The following VSTM4 variants were observed in gnomAD, a reference collection of about 807,000 sequenced individuals.
The protein encoded by VSTM4 is V-set and transmembrane domain containing 4, also known as V-set and transmembrane domain-containing protein 4.
In VSTM4, 20 loss-of-function variants were observed where a neutral mutation model predicts 36.4. The observed-to-expected ratio is 0.55, with a 90% confidence interval of 0.39 to 0.80. The LOEUF is 0.80. Ranked by LOEUF, VSTM4 falls within the 30% of genes least tolerant of loss-of-function variation. VSTM4 has a pLI of 0.00. For synonymous variants in VSTM4, 182 were observed against 173.9 expected (o/e 1.05, Z -0.37); for missense variants, 392 against 404.5 (o/e 0.97, Z 0.26).
chr10:49,069,329 G>A (rs1844031794), intron 4 of VSTM4, among the ~76,000 whole-genome samples: 2 of 152,234 alleles, frequency 1.3e-5, no homozygotes, highest in South Asian at 2.1e-4. Context: ...ACCCATGGAT[G>A]TTTCTGCTGT....
rs1843143529 is a variant in VSTM4, at chr10:49,019,186, T to C, written c.*464A>G. 6.6e-6 allele frequency: 1 copy of C among 152,334 alleles called. No individual in the cohort carries two copies. Among genetic ancestry groups the C allele is most frequent in the Non-Finnish European group, 1.5e-5 (1 of 68,106 alleles). 9.4% of individuals were successfully genotyped at this position (152,334 alleles called of 1,614,324 possible). A position where few individuals can be genotyped will look rare whatever the true frequency, so the allele number is the denominator to read the frequency against. On this transcript the variant is annotated 3_prime_UTR_variant, in exon 8 of 8. Transcript: ENST00000332853. Reference sequence around the variant, plus strand: ...TGGCTGTGGCCCTGGCAATGCCATCTGATCCTTGGAAAACCAACATATGTG... The same window carrying C: ...TGGCTGTGGCCCTGGCAATGCCATCCGATCCTTGGAAAACCAACATATGTG...
intron 6 of VSTM4, 70 bp downstream of exon 6, chr10:49,048,408 A>G (rs567334358): frequency 2.2e-4 from 302 of 1,397,264 alleles, no homozygotes; most frequent in Middle Eastern, 6.6e-4. Context: ...ATAATCCAAC[A>G]TGGAACCCCA....
At chr10:49,023,166 G>A (rs1406412130) in intron 7 of VSTM4, among the ~76,000 whole-genome samples, 1 of 152,208 alleles carries the variant, frequency 6.6e-6, no homozygotes, top group Non-Finnish European at 1.5e-5. Context: ...TAATTTGATT[G>A]AAGATACGAG....
At chr10:49,103,912 G>A in intron 2 of VSTM4, 1 of 1,531,694 alleles carries the variant, frequency 6.5e-7, no homozygotes. Context: ...GAGACCACGG[G>A]CCTGGGGTGG....
chr10:49,099,407 C>A (rs191181722), intron 2 of VSTM4, among the ~76,000 whole-genome samples: 4 of 152,194 alleles, frequency 2.6e-5, no homozygotes, highest in African/African-American at 9.6e-5. Flanking sequence ...GCTCTGGAAT[C>A]ATTTTTATCA....
rs1843476759 is a variant in VSTM4 at position 49,039,015 on chromosome 10, G to C, written c.837+7968C>G. Among the ~76,000 whole-genome samples the C allele has an allele frequency of 2.0e-5, 3 of 152,140 alleles. No homozygotes were observed. In the South Asian group the frequency reaches 6.2e-4, roughly 32 times the overall value. Reference sequence around the variant, plus strand: ...GTACAAAGGTGGGCGGACCATGAGGGGGCATCCAGGACAGAGGAACCGAAA... The same window carrying C: ...GTACAAAGGTGGGCGGACCATGAGGCGGCATCCAGGACAGAGGAACCGAAA... On this transcript the variant is annotated intron_variant, in intron 7 of 7. Transcript: ENST00000332853.
chr10:49,108,031 G>T (rs1844822730), intron 1 of VSTM4, 36 bp from the exon 2 acceptor site: 2 of 1,519,544 alleles, frequency 1.3e-6, no homozygotes, highest in Non-Finnish European at 8.9e-7. Context: ...GGATGAGGAG[G>T]GCCCCAAGTC....
chr10:49,072,989 C>A (rs17011744), intron 4 of VSTM4, among the ~76,000 whole-genome samples: 57,163 of 152,108 alleles, frequency 0.38, 12,039 homozygotes, highest in African/African-American at 0.57. Flanking sequence ...TGGGATTACC[C>A]GTGTGTGTTG....
intron 2 of VSTM4, among the ~76,000 whole-genome samples, chr10:49,101,054 T>C (rs372587834): frequency 2.6e-5 from 4 of 152,218 alleles, no homozygotes; most frequent in Non-Finnish European, 5.9e-5. Flanking sequence ...AAAGCTTTCT[T>C]TTAATCATCT....
intron 2 of VSTM4, among the ~76,000 whole-genome samples, chr10:49,100,550 T>C (rs1299264321): frequency 2.0e-5 from 3 of 149,842 alleles, no homozygotes; most frequent in Non-Finnish European, 4.5e-5. Flanking sequence ...TGTTCGAGAG[T>C]CATGTGAAAA....
rs138587909 is a variant in VSTM4 at position 49,045,875 on chromosome 10, T to A, written c.837+1108A>T. On this transcript the variant is annotated intron_variant, in intron 7 of 7. Coordinates refer to ENST00000332853, the MANE Select transcript of VSTM4 (RefSeq NM_001031746.5). ...GTAACCCCATGATATGGTTTGGCTCTGTGTCTCCACCCAAATGTTATCTCA... is the reference window on the plus strand; with the variant it reads ...GTAACCCCATGATATGGTTTGGCTCAGTGTCTCCACCCAAATGTTATCTCA... Among the ~76,000 whole-genome samples, 425 of 152,330 alleles carry A rather than the reference T, an allele frequency of 2.8e-3. 3 individuals carry two copies. The highest frequency in any genetic ancestry group is 9.2e-3 in the African/African-American group (383 of 41,580).
At chr10:49,060,911 C>CA (rs1017676767) in intron 5 of VSTM4, among the ~76,000 whole-genome samples, 1 of 152,178 alleles carries the variant, frequency 6.6e-6, no homozygotes, top group African/African-American at 2.4e-5. Context: ...CACTGTCTGT[C>CA]AAAAGGACAA....
At chr10:49,041,181 A>AACTGC (rs1471524987) in intron 7 of VSTM4, among the ~76,000 whole-genome samples, 1 of 152,194 alleles carries the variant, frequency 6.6e-6, no homozygotes, top group Non-Finnish European at 1.5e-5. Context: ...ATTCACCAAA[A>AACTGC]ACTGCAGATG....
intron 1 of VSTM4, among the ~76,000 whole-genome samples, 175 bp downstream of exon 1, chr10:49,115,256 C>A (rs1844973377): frequency 6.6e-6 from 1 of 151,724 alleles, no homozygotes; most frequent in Admixed American, 6.6e-5. Flanking sequence ...GGCGCCGCTG[C>A]GCCCGCCAGA....
At chr10:49,069,746 C>T (rs1318554716) in intron 4 of VSTM4, among the ~76,000 whole-genome samples, 4 of 152,210 alleles carry the variant, frequency 2.6e-5, no homozygotes, top group African/African-American at 4.8e-5. Flanking sequence ...AAGTCCTCCA[C>T]CTCCTGCCCC....
At chr10:49,086,624 G>A (rs1772143274) in intron 2 of VSTM4, among the ~76,000 whole-genome samples, 1 of 152,170 alleles carries the variant, frequency 6.6e-6, no homozygotes, top group Non-Finnish European at 1.5e-5. Flanking sequence ...AAGGAGTCTG[G>A]GCCCACGGAA....
intron 7 of VSTM4, among the ~76,000 whole-genome samples, chr10:49,032,615 T>G (rs373533051): frequency 6.6e-6 from 1 of 151,926 alleles, no homozygotes; most frequent in African/African-American, 2.4e-5. Flanking sequence ...AAAGACAAAA[T>G]GAAAGAAAAC....
intron 7 of VSTM4, among the ~76,000 whole-genome samples, chr10:49,039,089 AACTT>A (rs1418227742): frequency 6.6e-6 from 1 of 152,190 alleles, no homozygotes; most frequent in African/African-American, 2.4e-5. Context: ...GAACAGGCAC[AACTT>A]ACTCAGATGC....
chr10:49,024,028 A>T (rs1384367635), intron 7 of VSTM4, among the ~76,000 whole-genome samples: 1 of 152,230 alleles, frequency 6.6e-6, no homozygotes, highest in Admixed American at 6.5e-5. Context: ...GCTGCTGGGA[A>T]GTCCTGGCAG....
Sources: allele counts gnomAD v4.1 joint callset (sites outside exome capture counted in the v4.1 genomes callset), GRCh38; gene constraint gnomAD v4.1.1; transcripts MANE v1.5; gene names NCBI Gene and HGNC (gene_info 2026-07-23, HGNC 2026-07-21).